The following ERH variants were observed in gnomAD, a reference collection of about 807,000 sequenced individuals.
ERH encodes the protein ERH mRNA splicing and mitosis factor, also known as enhancer of rudimentary homolog.
Under a neutral mutation model 16.8 loss-of-function variants are expected in ERH, and 1 was observed. That is an observed-to-expected ratio of 0.06 (90% CI 0.02 to 0.28). ERH has a LOEUF of 0.28. Among genes scored for constraint, ERH ranks in the 10% least tolerant of loss-of-function variants. ERH has a pLI of 1.00. For synonymous variants in ERH, 43 were observed against 43.6 expected, an observed-to-expected ratio of 0.99 and a Z score of 0.05; for missense variants, 42 against 127.5, an observed-to-expected ratio of 0.33 and a Z score of 3.23.
intron 2 of ERH, among the ~76,000 whole-genome samples, chr14:69,391,781 G>C (rs1882216897): frequency 6.8e-6 from 1 of 147,786 alleles, no homozygotes; most frequent in African/African-American, 2.5e-5. Flanking sequence ...ATGGTAAAAA[G>C]ATCAGGGGTT....
chr14:69,394,970 T>TAAA (rs3837663), intron 1 of ERH, 58 bp from the exon 2 acceptor site: 2 of 1,175,904 alleles, frequency 1.7e-6, no homozygotes, highest in African/African-American at 1.5e-5. Context: ...CATAGTATGA[T>TAAA]AAAAAAAAAT....
intron 3 of ERH, chr14:69,386,602 T>C (rs1003808150): frequency 6.1e-6 from 1 of 164,364 alleles, no homozygotes; most frequent in East Asian, 1.7e-4. Flanking sequence ...ATTTAAGTTT[T>C]TGAAATGTCA....
At chr14:69,391,421 G>A (rs1283647112) in intron 2 of ERH, among the ~76,000 whole-genome samples, 1 of 151,886 alleles carries the variant, frequency 6.6e-6, no homozygotes, top group African/African-American at 2.4e-5. Flanking sequence ...TGAGGTGGAC[G>A]GATCACTTGA....
intron 1 of ERH, 89 bp downstream of exon 1, chr14:69,398,142 G>A (rs1207064854): frequency 1.2e-5 from 18 of 1,475,248 alleles, no homozygotes; most frequent in African/African-American, 2.8e-5. Context: ...GCGCTGCATG[G>A]GGCTCGTGGG....
intron 3 of ERH, among the ~76,000 whole-genome samples, chr14:69,384,491 T>G (rs1013754494): frequency 6.6e-6 from 1 of 152,174 alleles, no homozygotes; most frequent in Admixed American, 6.5e-5. Context: ...CCAAGACAAG[T>G]AAAACATGAT....
chr14:69,382,546 T>C (rs2045868636), intron 3 of ERH, among the ~76,000 whole-genome samples: 1 of 152,038 alleles, frequency 6.6e-6, no homozygotes, highest in African/African-American at 2.4e-5. Context: ...ACTCATCAAA[T>C]AGTAGGCCAG....
rs775375586 is a variant in ERH at position 69,387,706 on chromosome 14, A to AAAAAAAAAG, written c.92-624_92-623insCTTTTTTTT. On this transcript the variant is annotated intron_variant, in intron 2 of 3. Transcript: ENST00000557016. ...CTAAAGCCACAGAGCAAAAAAAAAA[A>AAAAAAAAAG]AAAAATTGGCAACAAGGAAAGAGAT... is the stretch of plus-strand genomic sequence containing the variant. Among the ~76,000 whole-genome samples the AAAAAAAAAG allele has an allele frequency of 6.3e-4, 95 of 151,904 alleles. 1 individual carries two copies. The South Asian group carries it at 0.019, about 31-fold the overall frequency.
At chr14:69,390,917 T>A (rs1158610112) in intron 2 of ERH, among the ~76,000 whole-genome samples, 2 of 152,188 alleles carry the variant, frequency 1.3e-5, no homozygotes, top group Non-Finnish European at 2.9e-5. Flanking sequence ...TGTATGTCAT[T>A]AGGGAATTGC....
chr14:69,389,837 T>C (rs75213035), intron 2 of ERH, among the ~76,000 whole-genome samples: 1,806 of 152,260 alleles, frequency 0.012, 73 homozygotes, highest in Admixed American at 0.073. Context: ...AGTGGCCCAA[T>C]TGCAGCTCAC....
chr14:69,394,515 T>G lies in ERH; in HGVS notation c.91+310A>C, dbSNP rs561899077. Among the ~76,000 whole-genome samples the G allele has an allele frequency of 7.2e-5, 11 of 152,296 alleles. No homozygotes were observed. The East Asian group carries it at 1.5e-3, about 21-fold the overall frequency. On this transcript the variant is annotated intron_variant, in intron 2 of 3. Transcript: ENST00000557016. Reference sequence around the variant, plus strand: ...GGAGGCTGAGGCACAAGAGAATCACTTGAACCTGGGGGGCGGAGGTTGCGT... The same window carrying G: ...GGAGGCTGAGGCACAAGAGAATCACGTGAACCTGGGGGGCGGAGGTTGCGT...
intron 2 of ERH, 123 bp from the exon 3 acceptor site, chr14:69,387,206 AAAG>A: frequency 1.4e-6 from 1 of 718,080 alleles, no homozygotes; most frequent in Non-Finnish European, 2.2e-6. Flanking sequence ...GGGCTGGGGA[AAAG>A]ATGATAGATT....
intron 2 of ERH, among the ~76,000 whole-genome samples, chr14:69,391,654 CAAAAAAAAAA>C (rs58399149): frequency 9.1e-5 from 2 of 21,944 alleles, no homozygotes; most frequent in Non-Finnish European, 1.9e-4. Context: ...TCTCGCACGC[CAAAAAAAAAA>C]AAAAAAAAAA....
intron 1 of ERH, among the ~76,000 whole-genome samples, chr14:69,395,226 G>T (rs1473628884): frequency 6.6e-6 from 1 of 152,106 alleles, no homozygotes; most frequent in East Asian, 1.9e-4. Flanking sequence ...GATTCCTTGA[G>T]CCCAGGAGGC....
intron 2 of ERH, among the ~76,000 whole-genome samples, chr14:69,391,103 T>C (rs2045921522): frequency 6.6e-6 from 1 of 152,186 alleles, no homozygotes; most frequent in Non-Finnish European, 1.5e-5. Context: ...TTGTACCACA[T>C]AATCTAGCAA....
chr14:69,381,494 C>T (rs1190356078), intron 3 of ERH, among the ~76,000 whole-genome samples: 1 of 151,632 alleles, frequency 6.6e-6, no homozygotes, highest in Non-Finnish European at 1.5e-5. Context: ...ACAGTAAGCT[C>T]CAAAATATCT....
intron 3 of ERH, among the ~76,000 whole-genome samples, chr14:69,381,605 G>A (rs762054777): frequency 5.9e-5 from 9 of 152,060 alleles, no homozygotes; most frequent in Admixed American, 1.3e-4. Flanking sequence ...ACTGGGTGTC[G>A]CTTTAAATTC....
chr14:69,392,795 G>A (rs1365586050), intron 2 of ERH, among the ~76,000 whole-genome samples: 1 of 152,136 alleles, frequency 6.6e-6, no homozygotes, highest in African/African-American at 2.4e-5. Flanking sequence ...AAGAAAGAGA[G>A]TAATATCGGA....
intron 1 of ERH, among the ~76,000 whole-genome samples, chr14:69,397,452 G>GAAAAA (rs201254745): frequency 5.6e-4 from 72 of 127,436 alleles, no homozygotes; most frequent in African/African-American, 2.1e-3. Flanking sequence ...TCAAAAACAG[G>GAAAAA]AAAAAAAAAA....
intron 2 of ERH, among the ~76,000 whole-genome samples, chr14:69,390,050 C>T (rs1360643205): frequency 6.6e-6 from 1 of 151,842 alleles, no homozygotes; most frequent in Middle Eastern, 3.2e-3. Context: ...TGAGCCACCA[C>T]GCCATGCAGA....
Sources: gnomAD v4.1 joint callset for allele counts (sites outside exome capture counted in the v4.1 genomes callset) on GRCh38, gnomAD v4.1.1 for gene constraint, MANE v1.5 for transcripts, NCBI Gene and HGNC (gene_info 2026-07-23, HGNC 2026-07-21) for gene names.